The following CERS6 variants were observed in gnomAD, a reference collection of about 807,000 sequenced individuals.
The protein encoded by CERS6 is LAG1 homolog, ceramide synthase 6.
A neutral mutation model predicts 56.8 loss-of-function variants in CERS6; 26 were observed. The observed-to-expected ratio is 0.46, with a 90% CI of 0.34 to 0.63. The LOEUF (loss-of-function observed/expected upper bound fraction) is 0.63, where lower values mean the gene tolerates loss of function less well. Ranked by LOEUF, CERS6 falls within the 30% of genes least tolerant of loss-of-function variation. The pLI is 0.01. For missense variants in CERS6, 415 were observed against 467.5 expected (o/e 0.89, Z 1.04); for synonymous variants, 164 against 173.3 (o/e 0.95, Z 0.42).
intron 3 of CERS6, among the ~76,000 whole-genome samples, chr2:168,582,668 G>A (rs1460022707): frequency 1.3e-5 from 2 of 152,148 alleles, no homozygotes; most frequent in African/African-American, 2.4e-5. Context: ...TATTTTACGT[G>A]ATGCATTATT....
intron 4 of CERS6, among the ~76,000 whole-genome samples, chr2:168,636,903 A>G (rs1684872444): frequency 6.6e-6 from 1 of 152,186 alleles, no homozygotes; most frequent in Non-Finnish European, 1.5e-5. Flanking sequence ...GGCCGTCAGA[A>G]CGCCTGGGTT....
At chr2:168,650,877 AT>A (rs1685326234) in intron 4 of CERS6, among the ~76,000 whole-genome samples, 1 of 151,978 alleles carries the variant, frequency 6.6e-6, no homozygotes, top group Non-Finnish European at 1.5e-5. Flanking sequence ...CTTATATCCC[AT>A]TTTTATCAGC....
chr2:168,706,893 A>G (rs955915060), intron 6 of CERS6, among the ~76,000 whole-genome samples: 1 of 152,198 alleles, frequency 6.6e-6, no homozygotes, highest in Non-Finnish European at 1.5e-5. Flanking sequence ...GGGACGTGTA[A>G]TCTCTGTTGC....
intron 9 of CERS6, among the ~76,000 whole-genome samples, chr2:168,767,837 C>T (rs1031285489): frequency 1.3e-5 from 2 of 152,110 alleles, no homozygotes; most frequent in African/African-American, 4.8e-5. Context: ...GACTTTGCCA[C>T]CTCCCCAGCC....
chr2:168,489,453 C>T (rs1339704186), intron 1 of CERS6, among the ~76,000 whole-genome samples: 1 of 148,290 alleles, frequency 6.7e-6, no homozygotes, highest in Non-Finnish European at 1.5e-5. Flanking sequence ...ATTATTTCTT[C>T]AAATAGTTTC....
chr2:168,638,238 T>C (rs756267631), intron 4 of CERS6, among the ~76,000 whole-genome samples: 1 of 152,164 alleles, frequency 6.6e-6, no homozygotes, highest in African/African-American at 2.4e-5. Flanking sequence ...GTATAGAAAT[T>C]CCTTTTTACA....
chr2:168,640,380 G>T (rs187623701), intron 4 of CERS6, among the ~76,000 whole-genome samples: 1 of 152,258 alleles, frequency 6.6e-6, no homozygotes, highest in Admixed American at 6.5e-5. Context: ...TTCCATTCCT[G>T]GCTATTTCCA....
At chr2:168,547,464 T>C (rs1054985309) in intron 1 of CERS6, 132 bp from the exon 2 acceptor site, 4 of 661,100 alleles carry the variant, frequency 6.1e-6, no homozygotes, top group East Asian at 5.5e-5. Flanking sequence ...ACAGGAGTGT[T>C]GACAATGTAC....
chr2:168,771,872 C>T lies in CERS6; in HGVS notation c.*2210C>T, dbSNP rs1406962923. The T allele has an allele frequency of 6.6e-6, 1 of 152,090 alleles. No homozygotes were observed. The highest frequency in any genetic ancestry group is 2.4e-5 in the African/African-American group (1 of 41,412). 9.4% of individuals were successfully genotyped at this position (152,090 alleles called of 1,614,324 possible). On this transcript the variant is annotated 3_prime_UTR_variant, in exon 10 of 10. Transcript: ENST00000305747. ...AGGCAAATCTAAGCAATCATTTTTC[C>T]CCCCAGAAGTTACTTAGAAGGAGAA...
chr2:168,596,546 T>A (rs1273349005), intron 3 of CERS6, among the ~76,000 whole-genome samples: 1 of 106,348 alleles, frequency 9.4e-6, no homozygotes, highest in Non-Finnish European at 2.0e-5. Context: ...CAGGGCCCCA[T>A]CCCCCCCCCT....
chr2:168,642,102 G>C (rs1376510957), intron 4 of CERS6, among the ~76,000 whole-genome samples: 1 of 134,846 alleles, frequency 7.4e-6, no homozygotes, highest in African/African-American at 3.3e-5. Flanking sequence ...GCAGGGGGCA[G>C]TGGCACACAC....
chr2:168,528,518 C>T (rs111284213), intron 1 of CERS6, among the ~76,000 whole-genome samples: 12 of 152,204 alleles, frequency 7.9e-5, no homozygotes, highest in Non-Finnish European at 1.8e-4. Context: ...TTTGTGATTT[C>T]TGTTTTCCTG....
At chr2:168,501,472 T>C (rs1028421835) in intron 1 of CERS6, among the ~76,000 whole-genome samples, 2 of 152,220 alleles carry the variant, frequency 1.3e-5, no homozygotes, top group African/African-American at 4.8e-5. Context: ...TTGATCCTTA[T>C]AGCTTTTATG....
intron 3 of CERS6, 44 bp downstream of exon 3, chr2:168,561,366 C>G: frequency 6.2e-7 from 1 of 1,610,540 alleles, no homozygotes; most frequent in Non-Finnish European, 8.5e-7. Flanking sequence ...CCTAAGTACT[C>G]ATGCCAACCC....
rs1421470329 is a variant in CERS6 at position 168,645,112 on chromosome 2, A to ATATAT, written c.465+14070_465+14071insTATAT. Among the ~76,000 whole-genome samples, 46 of 47,698 alleles carry ATATAT rather than the reference A, an allele frequency of 9.6e-4. 4 individuals carry two copies. The highest frequency in any genetic ancestry group is 1.6e-3 in the Non-Finnish European group (39 of 24,460). 31.3% of individuals were successfully genotyped at this position (47,698 alleles called of 152,430 possible). On this transcript the variant is annotated intron_variant, in intron 4 of 9. Transcript: ENST00000305747. ...TCTTAAAAAAAAAAAAAAAAAAAAA[A>ATATAT]AAAAATATATATATATATATATATA...
intron 1 of CERS6, among the ~76,000 whole-genome samples, chr2:168,513,384 A>T (rs1694829607): frequency 6.6e-6 from 1 of 152,190 alleles, no homozygotes; most frequent in Non-Finnish European, 1.5e-5. Context: ...TCCCATTCAG[A>T]ATACTACATT....
At chr2:168,565,818 G>A (rs1392904827) in intron 3 of CERS6, among the ~76,000 whole-genome samples, 1 of 152,066 alleles carries the variant, frequency 6.6e-6, no homozygotes, top group Admixed American at 6.5e-5. Context: ...ATTCTTATTG[G>A]CAACTGAAAT....
At chr2:168,646,444 T>C (rs1483255767) in intron 4 of CERS6, among the ~76,000 whole-genome samples, 2 of 152,250 alleles carry the variant, frequency 1.3e-5, no homozygotes, top group African/African-American at 2.4e-5. Flanking sequence ...ATTAGACCTC[T>C]GTCAGATGCA....
intron 2 of CERS6, among the ~76,000 whole-genome samples, chr2:168,549,233 C>T (rs1695521950): frequency 6.6e-6 from 1 of 151,970 alleles, no homozygotes; most frequent in Admixed American, 6.5e-5. Flanking sequence ...CCTTAAAAAT[C>T]CTGCAGTGGA....
Sources: gnomAD v4.1 joint callset for allele counts (sites outside exome capture counted in the v4.1 genomes callset) on GRCh38, gnomAD v4.1.1 for gene constraint, MANE v1.5 for transcripts, NCBI Gene and HGNC (gene_info 2026-07-23, HGNC 2026-07-21) for gene names.